PPM1L: variants seen among roughly 807,000 people sequenced by gnomAD.
PPM1L encodes the protein protein phosphatase, Mg2+/Mn2+ dependent 1L, also known as protein phosphatase 1L.
In PPM1L, 13 loss-of-function variants were observed where a neutral mutation model predicts 31.4. The observed-to-expected ratio is 0.41, with a 90% CI of 0.27 to 0.66. The LOEUF is 0.66. PPM1L is among the 30% of genes least tolerant of loss of function. The pLI is 0.29. For missense variants in PPM1L, 326 were observed against 453.7 expected (o/e 0.72, Z 2.56); for synonymous variants, 184 against 175.4 (o/e 1.05, Z -0.39).
intron 1 of PPM1L, among the ~76,000 whole-genome samples, chr3:160,942,017 C>A (rs1054732142): frequency 6.6e-6 from 1 of 152,184 alleles, no homozygotes; most frequent in Admixed American, 6.5e-5. Context: ...AGGACAACCA[C>A]GCTTACTACT....
At chr3:160,850,918 A>G (rs748830736) in intron 1 of PPM1L, among the ~76,000 whole-genome samples, 1 of 147,496 alleles carries the variant, frequency 6.8e-6, no homozygotes, top group Admixed American at 6.8e-5. Context: ...TCTCTCTTAC[A>G]GTTTTTTGGT....
intron 2 of PPM1L, among the ~76,000 whole-genome samples, chr3:161,047,462 C>G (rs1719121981): frequency 6.6e-6 from 1 of 152,164 alleles, no homozygotes; most frequent in Non-Finnish European, 1.5e-5. Flanking sequence ...GAAGAACATT[C>G]CATGCTCATG....
chr3:160,828,991 G>A (rs1713436306), intron 1 of PPM1L, among the ~76,000 whole-genome samples: 1 of 152,076 alleles, frequency 6.6e-6, no homozygotes, highest in Non-Finnish European at 1.5e-5. Context: ...TCTTAGTTAA[G>A]GAGACCAATG....
chr3:160,865,174 G>A (rs897693735), intron 1 of PPM1L, among the ~76,000 whole-genome samples: 3 of 152,198 alleles, frequency 2.0e-5, no homozygotes, highest in African/African-American at 4.8e-5. Flanking sequence ...AATGGCTTCA[G>A]TATAATGACT....
At chr3:160,930,910 A>C (rs1305001079) in intron 1 of PPM1L, among the ~76,000 whole-genome samples, 1 of 152,162 alleles carries the variant, frequency 6.6e-6, no homozygotes, top group African/African-American at 2.4e-5. Context: ...TACCCCTTGA[A>C]TTTCTAAGCA....
chr3:160,829,723 C>CAGAG (rs35384395), intron 1 of PPM1L, among the ~76,000 whole-genome samples: 8 of 152,080 alleles, frequency 5.3e-5, no homozygotes, highest in Admixed American at 3.9e-4. Context: ...TGTCAGCTGG[C>CAGAG]AGAGATATGG....
At chr3:160,920,693 T>C (rs1197740692) in intron 1 of PPM1L, among the ~76,000 whole-genome samples, 13 of 150,542 alleles carry the variant, frequency 8.6e-5, no homozygotes, top group Non-Finnish European at 4.4e-5. Flanking sequence ...AGTATTTGTT[T>C]CGGACAATCC....
intron 1 of PPM1L, among the ~76,000 whole-genome samples, chr3:160,854,869 C>G (rs950301807): frequency 2.2e-5 from 2 of 89,514 alleles, no homozygotes; most frequent in Non-Finnish European, 4.2e-5. Context: ...TTCTAAAATT[C>G]ATGTGGAACC....
chr3:161,037,213 G>C (rs527898514), intron 2 of PPM1L, among the ~76,000 whole-genome samples: 1 of 152,102 alleles, frequency 6.6e-6, no homozygotes, highest in African/African-American at 2.4e-5. Context: ...CTGAGACTGG[G>C]TTATATAAAG....
intron 2 of PPM1L, among the ~76,000 whole-genome samples, chr3:161,045,825 A>T (rs572135299): frequency 2.6e-5 from 4 of 152,074 alleles, no homozygotes. Context: ...CAAAAAATCA[A>T]TGAGGGCCAG....
At chr3:160,764,942 G>A (rs897580775) in intron 1 of PPM1L, among the ~76,000 whole-genome samples, 7 of 152,090 alleles carry the variant, frequency 4.6e-5, no homozygotes, top group Non-Finnish European at 8.8e-5. Flanking sequence ...TGTTTCTACT[G>A]TACTTTGGAT....
At position 160,859,306 on chromosome 3, in the gene PPM1L, A is replaced by G. The variant is rs151318934; in HGVS notation, c.400-102430A>G. On this transcript the variant is annotated intron_variant, in intron 1 of 3. Coordinates refer to ENST00000498165, the MANE Select transcript of PPM1L (RefSeq NM_139245.4). ...TTGTCCTTTATTATGTCACATGCAA[A>G]TGATAGGATCCAGGCTAATTCAGTT... Among the ~76,000 whole-genome samples, 245 of 152,288 alleles carry G rather than the reference A, an allele frequency of 1.6e-3. 1 individual carries two copies. Among genetic ancestry groups the G allele is most frequent in the African/African-American group, 5.6e-3 (231 of 41,552 alleles).
intron 2 of PPM1L, among the ~76,000 whole-genome samples, chr3:161,050,048 G>A (rs942706487): frequency 1.3e-5 from 2 of 152,164 alleles, no homozygotes; most frequent in South Asian, 2.1e-4. Flanking sequence ...GTGGTATGGT[G>A]GTGTCACCTG....
chr3:160,854,416 A>G (rs1162630541), intron 1 of PPM1L, among the ~76,000 whole-genome samples: 2 of 152,216 alleles, frequency 1.3e-5, no homozygotes, highest in African/African-American at 4.8e-5. Context: ...CACAAAGGGC[A>G]TGAGTAGGGA....
chr3:160,835,033 A>T (rs922657609), intron 1 of PPM1L, among the ~76,000 whole-genome samples: 1 of 86,278 alleles, frequency 1.2e-5, no homozygotes, highest in East Asian at 4.6e-4. Context: ...TACTATTACT[A>T]CTACTACTTC....
chr3:160,792,572 T>G (rs1338396717), intron 1 of PPM1L, among the ~76,000 whole-genome samples: 2 of 152,194 alleles, frequency 1.3e-5, no homozygotes, highest in Non-Finnish European at 2.9e-5. Context: ...AAGTCCATAC[T>G]TGCAATGCAA....
chr3:160,860,149 A>T (rs1711839921), intron 1 of PPM1L, among the ~76,000 whole-genome samples: 1 of 152,210 alleles, frequency 6.6e-6, no homozygotes, highest in Non-Finnish European at 1.5e-5. Context: ...ACATGTGGAT[A>T]GTTTCAGATT....
chr3:161,013,596 G>A (rs1172376122), intron 2 of PPM1L, among the ~76,000 whole-genome samples: 2 of 152,142 alleles, frequency 1.3e-5, no homozygotes, highest in Non-Finnish European at 1.5e-5. Context: ...TTTGTGTCTC[G>A]TTGATCTGTC....
At chr3:160,828,050 T>C (rs1713408969) in intron 1 of PPM1L, among the ~76,000 whole-genome samples, 1 of 151,938 alleles carries the variant, frequency 6.6e-6, no homozygotes, top group Admixed American at 6.6e-5. Flanking sequence ...GCCTCCCTCA[T>C]GAGGGATCCA....
Sources: allele counts gnomAD v4.1 joint callset (sites outside exome capture counted in the v4.1 genomes callset), GRCh38; gene constraint gnomAD v4.1.1; transcripts MANE v1.5; gene names NCBI Gene and HGNC (gene_info 2026-07-23, HGNC 2026-07-21).